The following CTNNA2 variants were observed in gnomAD, a reference collection of about 807,000 sequenced individuals.
CTNNA2 encodes catenin alpha 2, also known as catenin alpha-2.
Under a neutral mutation model 101.0 loss-of-function variants are expected in CTNNA2, and 42 were observed. The ratio of observed to expected loss-of-function variants is 0.42; its 90% CI spans 0.32 to 0.54. The LOEUF (loss-of-function observed/expected upper bound fraction) is 0.54. CTNNA2 is among the 20% of genes least tolerant of loss of function. CTNNA2 has a pLI of 0.14. For synonymous variants in CTNNA2, 450 were observed against 456.4 expected, an observed-to-expected ratio of 0.99 and a Z score of 0.18; for missense variants, 871 against 1,223.1, an observed-to-expected ratio of 0.71 and a Z score of 4.29.
chr2:79,308,077 T>A (rs1291602849), intron 2 of CTNNA2, among the ~76,000 whole-genome samples: 3 of 152,134 alleles, frequency 2.0e-5, no homozygotes, highest in Non-Finnish European at 2.9e-5. Context: ...TGAGTTTTGC[T>A]CTTGTTGCCC....
chr2:79,213,820 G>A (rs1275423766), intron 2 of CTNNA2, among the ~76,000 whole-genome samples: 1 of 152,168 alleles, frequency 6.6e-6, no homozygotes, highest in Non-Finnish European at 1.5e-5. Context: ...ATATGCGTCA[G>A]GTATGAGGAA....
intron 1 of CTNNA2, among the ~76,000 whole-genome samples, chr2:79,567,410 A>G (rs1675181435): frequency 6.6e-6 from 1 of 152,236 alleles, no homozygotes; most frequent in African/African-American, 2.4e-5. Context: ...AATATGACTA[A>G]TGCTGAGTAG....
intron 6 of CTNNA2, among the ~76,000 whole-genome samples, chr2:79,906,328 G>A (rs550232157): frequency 6.6e-6 from 1 of 151,708 alleles, no homozygotes; most frequent in Non-Finnish European, 1.5e-5. Flanking sequence ...ACACCCACAT[G>A]CAATCAGTAC....
At chr2:80,429,597 T>C (rs148415466) in intron 9 of CTNNA2, among the ~76,000 whole-genome samples, 122 of 152,354 alleles carry the variant, frequency 8.0e-4, no homozygotes, top group African/African-American at 2.6e-3. Context: ...CGTAATTGTA[T>C]AGGCATTAAA....
intron 15 of CTNNA2, among the ~76,000 whole-genome samples, chr2:80,591,877 G>A (rs1371802984): frequency 1.3e-5 from 2 of 152,124 alleles, no homozygotes; most frequent in African/African-American, 4.8e-5. Context: ...CTTCATGGAA[G>A]ATAAAACTGA....
chr2:79,600,745 A>C (rs1014370101), intron 1 of CTNNA2, among the ~76,000 whole-genome samples: 1 of 152,192 alleles, frequency 6.6e-6, no homozygotes, highest in African/African-American at 2.4e-5. Flanking sequence ...TCTCACGGTT[A>C]TGGAGGCTGT....
intron 7 of CTNNA2, among the ~76,000 whole-genome samples, chr2:80,007,490 T>G (rs1227455531): frequency 1.3e-5 from 2 of 152,170 alleles, no homozygotes; most frequent in African/African-American, 4.8e-5. Context: ...TTTCCTGTAC[T>G]CTCAAAAACA....
At chr2:79,187,839 A>G (rs1673801436) in intron 1 of CTNNA2, among the ~76,000 whole-genome samples, 1 of 152,162 alleles carries the variant, frequency 6.6e-6, no homozygotes, top group South Asian at 2.1e-4. Context: ...ACATAAGCCC[A>G]TTTTCTGTCA....
chr2:80,119,236 G>A (rs1573136486), intron 7 of CTNNA2, among the ~76,000 whole-genome samples: 1 of 152,198 alleles, frequency 6.6e-6, no homozygotes, highest in East Asian at 1.9e-4. Context: ...AAGGAGAAGT[G>A]TCTTCTGCCA....
At chr2:79,734,592 A>G (rs1201574398) in intron 2 of CTNNA2, among the ~76,000 whole-genome samples, 1 of 152,124 alleles carries the variant, frequency 6.6e-6, no homozygotes, top group Non-Finnish European at 1.5e-5. Flanking sequence ...TTAAGGATAT[A>G]TAAAGTGCAG....
chr2:80,462,478 G>A (rs72914963), intron 9 of CTNNA2, among the ~76,000 whole-genome samples: 2,719 of 151,970 alleles, frequency 0.018, 83 homozygotes, highest in African/African-American at 0.062. Context: ...ATCTGTTGTA[G>A]GCAGCATCAT....
chr2:79,921,851 A>G (rs905800842), intron 7 of CTNNA2, among the ~76,000 whole-genome samples: 10 of 152,176 alleles, frequency 6.6e-5, no homozygotes, highest in African/African-American at 2.2e-4. Flanking sequence ...TCTAAGAGGA[A>G]GGAGCATTTT....
intron 2 of CTNNA2, among the ~76,000 whole-genome samples, chr2:79,264,895 C>A (rs372683360): frequency 6.6e-6 from 1 of 152,092 alleles, no homozygotes; most frequent in African/African-American, 2.4e-5. Context: ...GCTTTACATT[C>A]GAGACTGCCT....
chr2:79,668,578 T>G (rs1303922766), intron 2 of CTNNA2, among the ~76,000 whole-genome samples: 1 of 152,222 alleles, frequency 6.6e-6, no homozygotes, highest in Non-Finnish European at 1.5e-5. Context: ...CTCAAGATAG[T>G]ATTCTACTTA....
intron 9 of CTNNA2, among the ~76,000 whole-genome samples, chr2:80,468,148 A>C (rs1685008297): frequency 6.6e-6 from 1 of 152,100 alleles, no homozygotes; most frequent in African/African-American, 2.4e-5. Context: ...GTACCCATAT[A>C]TTTGTGTTTT....
intron 18 of CTNNA2, among the ~76,000 whole-genome samples, chr2:80,619,507 G>A (rs988564739): frequency 6.6e-6 from 1 of 151,894 alleles, no homozygotes; most frequent in Non-Finnish European, 1.5e-5. Context: ...CATGGCATAT[G>A]TGGAATGAAT....
intron 7 of CTNNA2, among the ~76,000 whole-genome samples, chr2:80,033,180 AC>A (rs1352193779): frequency 6.6e-6 from 1 of 150,776 alleles, no homozygotes; most frequent in African/African-American, 2.4e-5. Context: ...ACACACAAAA[AC>A]CCCCCAAAAA....
chr2:79,431,316 G>A (rs1346455206), intron 4 of CTNNA2, among the ~76,000 whole-genome samples: 1 of 152,088 alleles, frequency 6.6e-6, no homozygotes, highest in Non-Finnish European at 1.5e-5. Flanking sequence ...GCCTAATGCA[G>A]GTAACACTGA....
At chr2:80,234,947 T>C (rs2149081667) in intron 7 of CTNNA2, among the ~76,000 whole-genome samples, 1 of 152,186 alleles carries the variant, frequency 6.6e-6, no homozygotes, top group African/African-American at 2.4e-5. Context: ...GTCTGATAAA[T>C]ATTTACTTAC....
Sources: gnomAD v4.1 joint callset for allele counts (sites outside exome capture counted in the v4.1 genomes callset) on GRCh38, gnomAD v4.1.1 for gene constraint, MANE v1.5 for transcripts, NCBI Gene and HGNC (gene_info 2026-07-23, HGNC 2026-07-21) for gene names.